Variants in GCSH observed in about 807,000 individuals in gnomAD.
GCSH encodes glycine cleavage system protein H, also known as glycine cleavage system H protein, mitochondrial.
In GCSH, 15 loss-of-function variants were observed where a neutral mutation model predicts 21.3. The ratio of observed to expected loss-of-function variants is 0.70; its 90% CI spans 0.47 to 1.08. GCSH has a LOEUF of 1.08. GCSH is among the 50% of genes least tolerant of loss of function. GCSH has a pLI of 0.00. For synonymous variants in GCSH, 59 were observed against 84.5 expected (o/e 0.70, Z 1.66); for missense variants, 179 against 217.5 (o/e 0.82, Z 1.11).
chr16:81,091,723 T>C (rs1972400984), intron 1 of GCSH, among the ~76,000 whole-genome samples: 1 of 152,178 alleles, frequency 6.6e-6, no homozygotes, highest in Admixed American at 6.6e-5. Context: ...TAAAACAGCA[T>C]TCAATTGCTT....
At chr16:81,083,715 T>C (rs1486009717) in intron 4 of GCSH, 1 of 152,456 alleles carries the variant, frequency 6.6e-6, no homozygotes, top group Non-Finnish European at 1.5e-5. Flanking sequence ...CCCTGACAGA[T>C]AAATCCTTTG....
At chr16:81,092,281 A>G (rs8177858) in intron 1 of GCSH, among the ~76,000 whole-genome samples, 4,676 of 151,912 alleles carry the variant, frequency 0.031, 195 homozygotes, top group African/African-American at 0.1. Flanking sequence ...TGCTGAACAT[A>G]CTAGAGATCA....
At chr16:81,092,129 C>T (rs1972410208) in intron 1 of GCSH, among the ~76,000 whole-genome samples, 1 of 151,938 alleles carries the variant, frequency 6.6e-6, no homozygotes, top group African/African-American at 2.4e-5. Flanking sequence ...AAAGACTCTC[C>T]CTACCATCTT....
chr16:81,085,015 CTTTTTTTTTT>C (rs34324394), intron 3 of GCSH, among the ~76,000 whole-genome samples: 1 of 106,816 alleles, frequency 9.4e-6, no homozygotes, highest in Non-Finnish European at 1.7e-5. Context: ...GCACCTGGCT[CTTTTTTTTTT>C]TTTTTTTTGA....
At chr16:81,086,470 T>C (rs8052415) in intron 3 of GCSH, among the ~76,000 whole-genome samples, 120,379 of 151,896 alleles carry the variant, frequency 0.79, 49,234 homozygotes, top group Non-Finnish European at 0.91. Context: ...AAAAGGAGAA[T>C]TGCTTGAACC....
At position 81,096,272 on chromosome 16, in the gene GCSH, G is replaced by A. The variant is rs1421529132; in HGVS notation, c.7C>T (p.Leu3=). The A allele has an allele frequency of 6.6e-6, 9 of 1,367,482 alleles. No homozygotes were observed. In the East Asian group the frequency reaches 2.5e-4, roughly 38 times the overall value. The allele number at this position is 1,367,482 out of a possible 1,614,324, so 84.7% of individuals were successfully genotyped here. Residue 3 remains leucine, a synonymous_variant, in exon 1 of 5, where the codon CTG becomes TTG. Coordinates refer to ENST00000315467, the MANE Select transcript of GCSH (RefSeq NM_004483.5). The part of the protein sequence containing the change: MA[L]RVVRSVRALL... The stretch of plus-strand genomic sequence containing the variant: ...GCCCGCACGCTCCGCACCACTCGCA[G>A]CGCCATGTTCGCAGGGGTGCGGGGG...
chr16:81,095,315 T>G (rs965527498), intron 1 of GCSH, among the ~76,000 whole-genome samples: 1 of 151,938 alleles, frequency 6.6e-6, no homozygotes, highest in East Asian at 1.9e-4. Flanking sequence ...TTTGGGGAAA[T>G]AGCTGAATCT....
At chr16:81,094,529 C>T (rs970080730) in intron 1 of GCSH, among the ~76,000 whole-genome samples, 1 of 151,284 alleles carries the variant, frequency 6.6e-6, no homozygotes, top group Non-Finnish European at 1.5e-5. Flanking sequence ...AAAAAAGGAA[C>T]GAAAACCACA....
At position 81,096,356 on chromosome 16, in the gene GCSH, C is replaced by T. The variant is rs1972512680; in HGVS notation, c.-78G>A. 7 of 1,131,810 alleles carry T rather than the reference C, an allele frequency of 6.2e-6. 1 individual carries two copies. The highest frequency in any genetic ancestry group is 4.1e-5 in the South Asian group (2 of 48,658). 70.1% of individuals were successfully genotyped at this position (1,131,810 alleles called of 1,614,324 possible). A position where few individuals can be genotyped will look rare whatever the true frequency, so the allele number is the denominator to read the frequency against. ...AGGCGGGGCGGGGAGGGGCAGTTCG[C>T]GGCCGGAGGGAGCCGGCTGGATGGA... On this transcript the variant is annotated 5_prime_UTR_variant, in exon 1 of 5. Coordinates refer to ENST00000315467, the MANE Select transcript of GCSH (RefSeq NM_004483.5).
At chr16:81,083,768 T>C (rs1470491393) in intron 4 of GCSH, 2 of 152,382 alleles carry the variant, frequency 1.3e-5, no homozygotes, top group Non-Finnish European at 2.9e-5. Flanking sequence ...TGCTGTTAGC[T>C]TACCTGATTA....
Position 81,087,590 on chromosome 16 carries a change from A to C in GCSH, c.292+11T>G, listed in dbSNP as rs376933100. On this transcript the variant is annotated intron_variant, in intron 3 of 4. Transcript: ENST00000315467. ...TGGCATGGATCATTCTAAGATCCTAAGAACACTCACCTTGTTTGTTCAATT... is the reference window on the plus strand; with the variant it reads ...TGGCATGGATCATTCTAAGATCCTACGAACACTCACCTTGTTTGTTCAATT... 2.6e-6 allele frequency: 4 copies of C among 1,567,398 alleles called. No homozygotes were observed. The highest frequency in any genetic ancestry group is 1.8e-4 in the Middle Eastern group (1 of 5,640).
chr16:81,090,359 G>A (rs1972373761), intron 2 of GCSH, among the ~76,000 whole-genome samples: 1 of 151,772 alleles, frequency 6.6e-6, no homozygotes, highest in Non-Finnish European at 1.5e-5. Flanking sequence ...TGGGACCACA[G>A]GCATGAGCAA....
chr16:81,090,447 C>A (rs1972376172), intron 2 of GCSH, among the ~76,000 whole-genome samples, 154 bp downstream of exon 2: 1 of 152,078 alleles, frequency 6.6e-6, no homozygotes, highest in Non-Finnish European at 1.5e-5. Context: ...GTCTTGAACT[C>A]CTGGCCTCAA....
intron 2 of GCSH, 83 bp downstream of exon 2, chr16:81,090,518 A>C: frequency 1.0e-6 from 1 of 959,990 alleles, no homozygotes; most frequent in Non-Finnish European, 1.7e-6. Flanking sequence ...CACCTCACGC[A>C]GCCTAAACAC....
rs1175745925 is a variant in GCSH at position 81,090,600 on chromosome 16, C to G, written c.228+1G>C. ...ACAAATATTTCAATATAATCCAATA[C>G]CTGTGCAAAATTGCTGATTCCCACT... is the stretch of plus-strand genomic sequence containing the variant. On this transcript the variant is annotated splice_donor_variant, in intron 2 of 4. Coordinates refer to ENST00000315467, the MANE Select transcript of GCSH (RefSeq NM_004483.5). LOFTEE classifies it high-confidence loss of function. 1.3e-6 allele frequency: 2 copies of G among 1,571,652 alleles called. No homozygotes were observed. Among genetic ancestry groups the G allele is most frequent in the East Asian group, 4.5e-5 (2 of 44,700 alleles).
At chr16:81,083,074 C>A (rs970835591) in intron 4 of GCSH, 111 bp from the exon 5 acceptor site, 1 of 775,628 alleles carries the variant, frequency 1.3e-6, no homozygotes, top group African/African-American at 1.7e-5. Flanking sequence ...TTTACAAAAA[C>A]CATACATTAT....
At chr16:81,092,173 G>A (rs1230173675) in intron 1 of GCSH, among the ~76,000 whole-genome samples, 1 of 151,792 alleles carries the variant, frequency 6.6e-6, no homozygotes, top group Non-Finnish European at 1.5e-5. Context: ...TCAGAAGTCC[G>A]TTCCTGCCCA....
chr16:81,093,357 C>G (rs978306385), intron 1 of GCSH, among the ~76,000 whole-genome samples: 5 of 152,148 alleles, frequency 3.3e-5, no homozygotes, highest in African/African-American at 7.2e-5. Flanking sequence ...ACCTTGCCAT[C>G]TTGCCTACCT....
Position 81,092,299 on chromosome 16 carries a change from G to C in GCSH, c.149-1619C>G, listed in dbSNP as rs142974482. On this transcript the variant is annotated intron_variant, in intron 1 of 4. Coordinates refer to ENST00000315467, the MANE Select transcript of GCSH (RefSeq NM_004483.5). ...TGAACATACTAGAGATCATCTGTCA[G>C]TCTCCCCAGGAAGTAGGCTGTGTAC... is the stretch of plus-strand genomic sequence containing the variant. Among the ~76,000 whole-genome samples the C allele has an allele frequency of 2.2e-3, 315 of 140,302 alleles. 2 individuals carry two copies. The highest frequency in any genetic ancestry group is 3.7e-3 in the Non-Finnish European group (238 of 64,104). The allele number at this position is 140,302 out of a possible 152,430, so 92.0% of individuals were successfully genotyped here.
Sources: gnomAD v4.1 joint callset for allele counts (sites outside exome capture counted in the v4.1 genomes callset) on GRCh38, gnomAD v4.1.1 for gene constraint, MANE v1.5 for transcripts, NCBI Gene and HGNC (gene_info 2026-07-23, HGNC 2026-07-21) for gene names.